KCNH8: variants seen among roughly 807,000 people sequenced by gnomAD.
KCNH8 encodes the protein voltage-gated delayed rectifier potassium channel KCNH8.
In KCNH8, 70 loss-of-function variants were observed where a neutral mutation model predicts 103.6. The ratio of observed to expected loss-of-function variants is 0.68; its 90% CI spans 0.56 to 0.82. The LOEUF is 0.82. Among genes scored for constraint, KCNH8 ranks in the 40% least tolerant of loss-of-function variants. KCNH8 has a pLI of 0.00. For synonymous variants in KCNH8, 498 were observed against 489.4 expected, an observed-to-expected ratio of 1.02 and a Z score of -0.23; for missense variants, 1,217 against 1,329.9, an observed-to-expected ratio of 0.92 and a Z score of 1.32.
rs963511170 is a variant in KCNH8 at position 19,400,258 on chromosome 3, A to G, written c.1177+4947A>G. The stretch of plus-strand genomic sequence containing the variant: ...AAAAAAAAAAAAAAAAAAAAAAAGC[A>G]TCATAATGTCAGACAGAATTAGCTG... On this transcript the variant is annotated intron_variant, in intron 7 of 15. Coordinates refer to ENST00000328405, the MANE Select transcript of KCNH8 (RefSeq NM_144633.3). Among the ~76,000 whole-genome samples, 12 of 136,050 alleles carry G rather than the reference A, an allele frequency of 8.8e-5. No individual in the cohort carries two copies. In the Admixed American group the frequency reaches 8.9e-4, roughly 10 times the overall value. The allele number at this position is 136,050 out of a possible 152,430, so 89.3% of individuals were successfully genotyped here.
At chr3:19,318,378 C>G (rs973431952) in intron 3 of KCNH8, among the ~76,000 whole-genome samples, 2 of 151,568 alleles carry the variant, frequency 1.3e-5, no homozygotes, top group Non-Finnish European at 3.0e-5. Flanking sequence ...CACCTGTCAC[C>G]AGAGTAGTAT....
chr3:19,173,861 T>A (rs2063372341), intron 1 of KCNH8, among the ~76,000 whole-genome samples: 1 of 152,018 alleles, frequency 6.6e-6, no homozygotes, highest in Non-Finnish European at 1.5e-5. Flanking sequence ...TCCCCAGGAC[T>A]CATCTAAGCA....
chr3:19,420,206 G>T (rs1414429175), intron 7 of KCNH8, among the ~76,000 whole-genome samples: 1 of 152,164 alleles, frequency 6.6e-6, no homozygotes, highest in East Asian at 1.9e-4. Flanking sequence ...TGCTGCTGTG[G>T]TTGTTTTAAC....
At chr3:19,373,428 G>T (rs2125118163) in intron 5 of KCNH8, among the ~76,000 whole-genome samples, 1 of 152,290 alleles carries the variant, frequency 6.6e-6, no homozygotes, top group Admixed American at 6.5e-5. Flanking sequence ...TCTGGTGGTA[G>T]TTTGTATTTT....
intron 2 of KCNH8, among the ~76,000 whole-genome samples, chr3:19,279,501 G>A (rs1336768627): frequency 6.6e-6 from 1 of 151,196 alleles, no homozygotes; most frequent in African/African-American, 2.4e-5. Context: ...CTGGTAATGA[G>A]CTATTGAAAT....
At chr3:19,351,070 G>A (rs2065794894) in intron 5 of KCNH8, among the ~76,000 whole-genome samples, 1 of 152,062 alleles carries the variant, frequency 6.6e-6, no homozygotes, top group Non-Finnish European at 1.5e-5. Flanking sequence ...ACCATGGCAT[G>A]AGAACTATAT....
chr3:19,419,377 T>G (rs1298146228), intron 7 of KCNH8, among the ~76,000 whole-genome samples: 3 of 151,298 alleles, frequency 2.0e-5, no homozygotes, highest in Admixed American at 6.6e-5. Context: ...TTTTTTTGTA[T>G]TTTTAGTAGA....
intron 3 of KCNH8, among the ~76,000 whole-genome samples, chr3:19,311,934 G>T: frequency 6.6e-6 from 1 of 151,864 alleles, no homozygotes; most frequent in African/African-American, 2.4e-5. Flanking sequence ...GTCAATTGTT[G>T]TATAAAGTAT....
In KCNH8 at chr3:19,290,222, T is replaced by A. The variant is rs549348810; in HGVS notation, c.442+8893T>A. Among the ~76,000 whole-genome samples, 14 of 152,284 alleles carry A rather than the reference T, an allele frequency of 9.2e-5. No individual in the cohort carries two copies. In the East Asian group the frequency reaches 2.5e-3, roughly 27 times the overall value. On this transcript the variant is annotated intron_variant, in intron 3 of 15. Transcript: ENST00000328405. ...GACAATTTGACTCCCTTTTTCCTAA[T>A]TGAATACCCTTTATTTCCTTCTCCT...
At chr3:19,473,714 G>A (rs553925939) in intron 11 of KCNH8, among the ~76,000 whole-genome samples, 1 of 152,302 alleles carries the variant, frequency 6.6e-6, no homozygotes, top group African/African-American at 2.4e-5. Context: ...GAGTGTGAAT[G>A]TATCATATTT....
At chr3:19,330,653 C>A (rs961919382) in intron 3 of KCNH8, among the ~76,000 whole-genome samples, 1 of 152,164 alleles carries the variant, frequency 6.6e-6, no homozygotes, top group East Asian at 1.9e-4. Context: ...GTAGGAAAAC[C>A]AAAATATTCC....
chr3:19,227,357 T>G (rs2063943620), intron 1 of KCNH8, among the ~76,000 whole-genome samples: 1 of 152,180 alleles, frequency 6.6e-6, no homozygotes, highest in East Asian at 1.9e-4. Flanking sequence ...GGGGGATGAT[T>G]GGGAGTAAGA....
intron 11 of KCNH8, among the ~76,000 whole-genome samples, chr3:19,498,493 C>G (rs1259093216): frequency 6.6e-6 from 1 of 152,080 alleles, no homozygotes; most frequent in Non-Finnish European, 1.5e-5. Flanking sequence ...TATTTCTCCT[C>G]CACTTATGAA....
intron 3 of KCNH8, among the ~76,000 whole-genome samples, chr3:19,305,180 G>C (rs1476492079): frequency 2.0e-5 from 3 of 152,032 alleles, no homozygotes; most frequent in Non-Finnish European, 4.4e-5. Flanking sequence ...CTGGGAGCTA[G>C]AAGACAGTAG....
At chr3:19,277,569 G>T (rs2064692570) in intron 2 of KCNH8, among the ~76,000 whole-genome samples, 2 of 152,126 alleles carry the variant, frequency 1.3e-5, no homozygotes, top group South Asian at 4.1e-4. Flanking sequence ...AAAGGCACAG[G>T]TGGTAAACTA....
intron 11 of KCNH8, among the ~76,000 whole-genome samples, chr3:19,482,584 C>T (rs988244405): frequency 1.3e-5 from 2 of 152,160 alleles, no homozygotes; most frequent in African/African-American, 4.8e-5. Flanking sequence ...TAAGCAGGTT[C>T]TTATTACTAT....
At chr3:19,526,779 T>C (rs1241571386) in intron 15 of KCNH8, among the ~76,000 whole-genome samples, 3 of 152,006 alleles carry the variant, frequency 2.0e-5, no homozygotes, top group African/African-American at 7.2e-5. Context: ...CTTCTTTATC[T>C]TTCAGTGATA....
intron 3 of KCNH8, among the ~76,000 whole-genome samples, chr3:19,324,625 T>A (rs1466800735): frequency 6.6e-6 from 1 of 152,112 alleles, no homozygotes; most frequent in African/African-American, 2.4e-5. Flanking sequence ...GGAATACAGC[T>A]TGCTAGGGGG....
chr3:19,235,351 A>G lies in KCNH8; in HGVS notation c.77-18303A>G, dbSNP rs192966789. On this transcript the variant is annotated intron_variant, in intron 1 of 15. Transcript: ENST00000328405. ...TAAAAGATTTTTAAATGCTGTTTAT[A>G]TACACAAAAATATGATGAAAGTATA... Among the ~76,000 whole-genome samples the G allele has an allele frequency of 1.0e-3, 158 of 151,942 alleles. 1 individual carries two copies. Among genetic ancestry groups the G allele is most frequent in the African/African-American group, 3.2e-3 (131 of 41,202 alleles).
Sources: allele counts gnomAD v4.1 joint callset (sites outside exome capture counted in the v4.1 genomes callset), GRCh38; gene constraint gnomAD v4.1.1; transcripts MANE v1.5; gene names NCBI Gene and HGNC (gene_info 2026-07-23, HGNC 2026-07-21).